CPSF2: variants seen among roughly 807,000 people sequenced by gnomAD.
The protein encoded by CPSF2 is cleavage and polyadenylation specificity factor subunit 2.
A neutral mutation model predicts 84.2 loss-of-function variants in CPSF2; 51 were observed. The observed-to-expected ratio is 0.61, with a 90% CI of 0.48 to 0.77. The LOEUF is 0.77. Among genes scored for constraint, CPSF2 ranks in the 30% least tolerant of loss-of-function variants. The probability of loss-of-function intolerance (pLI) is 0.00; values close to 1 mark genes in which losing one functional copy is unlikely to be tolerated. For missense variants in CPSF2, 641 were observed against 929.4 expected (o/e 0.69, Z 4.03); for synonymous variants, 286 against 311.9 (o/e 0.92, Z 0.87).
At chr14:92,151,837 G>A (rs2069222164) in intron 9 of CPSF2, among the ~76,000 whole-genome samples, 1 of 152,052 alleles carries the variant, frequency 6.6e-6, no homozygotes, top group African/African-American at 2.4e-5. Flanking sequence ...AGGAGTTTGA[G>A]ACCAGCTTGG....
intron 6 of CPSF2, among the ~76,000 whole-genome samples, chr14:92,136,967 T>G (rs1241681): frequency 0.93 from 141,116 of 151,986 alleles, 65,618 homozygotes; most frequent in East Asian, 1. Flanking sequence ...AGTTACAAAG[T>G]AAAAGTTTGA....
rs2069482710 is a variant in CPSF2, at chr14:92,168,746, A to G, written c.*7002A>G. 6.6e-6 allele frequency: 1 copy of G among 152,218 alleles called. No homozygotes were observed. The highest frequency in any genetic ancestry group is 2.4e-5 in the African/African-American group (1 of 41,442). The allele number at this position is 152,218 out of a possible 1,614,324, so 9.4% of individuals were successfully genotyped here. On this transcript the variant is annotated 3_prime_UTR_variant, in exon 16 of 16. Transcript: ENST00000298875. ...GTAAAACCCTGTCTCTACAAAAAATAGAAAAATTAGCTGGGCATGGTGGCT... is the reference window on the plus strand; with the variant it reads ...GTAAAACCCTGTCTCTACAAAAAATGGAAAAATTAGCTGGGCATGGTGGCT...
intron 9 of CPSF2, among the ~76,000 whole-genome samples, chr14:92,152,885 G>C (rs2069239485): frequency 6.6e-6 from 1 of 152,008 alleles, no homozygotes; most frequent in East Asian, 1.9e-4. Context: ...AGGTAGTCCT[G>C]AGATAAATAT....
At position 92,134,230 on chromosome 14, in the gene CPSF2, T is replaced by C; in HGVS notation, c.310-20T>C. 1 of 1,611,132 alleles carries C rather than the reference T, an allele frequency of 6.2e-7. No individual in the cohort carries two copies. The highest frequency in any genetic ancestry group is 8.5e-7 in the Non-Finnish European group (1 of 1,177,414). On this transcript the variant is annotated intron_variant, in intron 4 of 15. Transcript: ENST00000298875. ...TCCTTCAGTGATTGTTTTTCACCTT[T>C]ATTTGTGTTATTCTTTTAGTCTCGA...
At chr14:92,138,987 A>G (rs567183475) in intron 7 of CPSF2, among the ~76,000 whole-genome samples, 13 of 152,328 alleles carry the variant, frequency 8.5e-5, no homozygotes, top group Non-Finnish European at 1.6e-4. Context: ...AGCTGGTTTG[A>G]ATTTAACTTT....
intron 2 of CPSF2, among the ~76,000 whole-genome samples, chr14:92,128,568 G>A (rs1171949685): frequency 1.3e-5 from 2 of 152,190 alleles, no homozygotes; most frequent in Non-Finnish European, 1.5e-5. Flanking sequence ...TCAGGACTGG[G>A]GTTTTGCCAG....
At chr14:92,132,081 G>A (rs2068939427) in intron 3 of CPSF2, among the ~76,000 whole-genome samples, 1 of 152,076 alleles carries the variant, frequency 6.6e-6, no homozygotes, top group Admixed American at 6.6e-5. Flanking sequence ...TCCATTATAA[G>A]TATGTGGCCA....
chr14:92,131,177 C>T, intron 3 of CPSF2, 44 bp downstream of exon 3: 1 of 1,490,244 alleles, frequency 6.7e-7, no homozygotes, highest in Non-Finnish European at 9.2e-7. Context: ...AAATCAACTT[C>T]TCTTTTCTGT....
At chr14:92,143,454 G>C (rs2069105347) in intron 9 of CPSF2, among the ~76,000 whole-genome samples, 160 bp downstream of exon 9, 1 of 152,104 alleles carries the variant, frequency 6.6e-6, no homozygotes, top group Non-Finnish European at 1.5e-5. Flanking sequence ...TGTAGTGCCA[G>C]CTACTCGGGA....
intron 9 of CPSF2, 91 bp downstream of exon 9, chr14:92,143,385 A>G (rs1312816052): frequency 2.2e-6 from 2 of 909,700 alleles, no homozygotes; most frequent in Non-Finnish European, 3.3e-6. Context: ...ATAAAACTTG[A>G]AATTGTTTTA....
At chr14:92,159,909 T>C (rs2069346811) in intron 14 of CPSF2, among the ~76,000 whole-genome samples, 1 of 152,108 alleles carries the variant, frequency 6.6e-6, no homozygotes, top group South Asian at 2.1e-4. Flanking sequence ...ATCACCTGCC[T>C]GCTTCCAGTC....
At chr14:92,124,575 T>C (rs2068821845) in intron 1 of CPSF2, among the ~76,000 whole-genome samples, 2 of 152,168 alleles carry the variant, frequency 1.3e-5, no homozygotes, top group Admixed American at 1.3e-4. Flanking sequence ...CAACCTGCAC[T>C]TTAGGGGTGA....
chr14:92,157,649 C>G lies in CPSF2; in HGVS notation c.1596-10C>G. ...GAAAAGTAATCTTGAATAATCATAT[C>G]TAATTACAGAGCCCGGGTTACCTAC... On this transcript the variant is annotated splice_polypyrimidine_tract_variant and intron_variant, in intron 12 of 15. Transcript: ENST00000298875. This position sits in a 1 kb window ranked among gnomAD's most constrained non-coding sequence, Gnocchi z 4.0. 1 of 1,595,098 alleles carries G rather than the reference C, an allele frequency of 6.3e-7. No individual in the cohort carries two copies. Among genetic ancestry groups the G allele is most frequent in the Non-Finnish European group, 8.6e-7 (1 of 1,164,316 alleles).
chr14:92,134,032 A>C lies in CPSF2; in HGVS notation c.171A>C (p.Ala57=), dbSNP rs1430448599. ...SLRKHVHQID[A]VLLSHPDPLH... The stretch of plus-strand genomic sequence containing the variant: ...GTAGGCATGTTCACCAGATTGATGC[A>C]GTGCTGTTGTCTCACCCTGATCCTC... The change falls in exon 4 of 16, where the codon GCA becomes GCC. Residue 57 remains alanine, a synonymous_variant. Transcript: ENST00000298875. 3 of 1,614,214 alleles carry C rather than the reference A, an allele frequency of 1.9e-6. No individual in the cohort carries two copies. In the South Asian group the frequency reaches 3.3e-5, roughly 18 times the overall value.
intron 6 of CPSF2, among the ~76,000 whole-genome samples, chr14:92,135,847 T>C (rs949169031): frequency 1.3e-5 from 2 of 152,244 alleles, no homozygotes; most frequent in African/African-American, 4.8e-5. Context: ...TGTAACGTGA[T>C]ATGGTTTGGC....
Position 92,163,144 on chromosome 14 carries a change from T to A in CPSF2, c.*1400T>A, listed in dbSNP as rs1393107054. On this transcript the variant is annotated 3_prime_UTR_variant, in exon 16 of 16. Coordinates refer to ENST00000298875, the MANE Select transcript of CPSF2 (RefSeq NM_017437.3). ...GTCTCAAACTCCTGACCTCAAGCGA[T>A]CCACCCACCTAGGCCTCCCAAAGTG... 6.6e-6 allele frequency: 1 copy of A among 152,188 alleles called. No individual in the cohort carries two copies. Among genetic ancestry groups the A allele is most frequent in the African/African-American group, 2.4e-5 (1 of 41,440 alleles). The allele number at this position is 152,188 out of a possible 1,614,324, so 9.4% of individuals were successfully genotyped here.
At position 92,168,837 on chromosome 14, in the gene CPSF2, A is replaced by T. The variant is rs2141494116; in HGVS notation, c.*7093A>T. On this transcript the variant is annotated 3_prime_UTR_variant, in exon 16 of 16. Coordinates refer to ENST00000298875, the MANE Select transcript of CPSF2 (RefSeq NM_017437.3). ...TTGAGCCTGGGGAGGTTGAGACTGC[A>T]CTGAGTCTTGAATGAATGAATCCAT... is the stretch of plus-strand genomic sequence containing the variant. 1 of 152,296 alleles carries T rather than the reference A, an allele frequency of 6.6e-6. No individual in the cohort carries two copies. The highest frequency in any genetic ancestry group is 6.5e-5 in the Admixed American group (1 of 15,286). 9.4% of individuals were successfully genotyped at this position (152,296 alleles called of 1,614,324 possible).
chr14:92,144,502 A>T (rs1020863784), intron 9 of CPSF2, among the ~76,000 whole-genome samples: 1 of 152,078 alleles, frequency 6.6e-6, no homozygotes, highest in African/African-American at 2.4e-5. Context: ...CAGTTCGTGA[A>T]CCTCACCTTT....
intron 14 of CPSF2, among the ~76,000 whole-genome samples, chr14:92,159,858 T>A (rs1460937718): frequency 6.6e-6 from 1 of 152,126 alleles, no homozygotes; most frequent in Non-Finnish European, 1.5e-5. Context: ...TTTTTTTTTT[T>A]TGGTCTGGAT....
Sources: gnomAD v4.1 joint callset for allele counts (sites outside exome capture counted in the v4.1 genomes callset) on GRCh38, gnomAD v4.1.1 for gene constraint, Gnocchi (gnomAD v3.1) non-coding constraint, MANE v1.5 for transcripts, NCBI Gene and HGNC (gene_info 2026-07-23, HGNC 2026-07-21) for gene names.